GREB1L: variants seen among roughly 807,000 people sequenced by gnomAD.
The protein encoded by GREB1L is GREB1-like protein.
GREB1L carries 17 observed loss-of-function variants against 200.8 expected under a neutral mutation model. The ratio of observed to expected loss-of-function variants is 0.08; its 90% CI spans 0.06 to 0.13. The LOEUF (loss-of-function observed/expected upper bound fraction) is 0.13, where lower values mean the gene tolerates loss of function less well. Among genes scored for constraint, GREB1L ranks in the 10% least tolerant of loss-of-function variants. The pLI is 1.00. For synonymous variants in GREB1L, 789 were observed against 893.0 expected (o/e 0.88, Z 2.08); for missense variants, 1,657 against 2,367.7 (o/e 0.70, Z 6.23).
At chr18:21,468,028 A>C (rs1308425883) in intron 15 of GREB1L, among the ~76,000 whole-genome samples, 1 of 151,898 alleles carries the variant, frequency 6.6e-6, no homozygotes, top group Non-Finnish European at 1.5e-5. Context: ...CCATCTGAAA[A>C]AAAAAAAAAA....
At chr18:21,305,560 T>G (rs1038259971) in intron 1 of GREB1L, among the ~76,000 whole-genome samples, 13 of 152,178 alleles carry the variant, frequency 8.5e-5, no homozygotes, top group Non-Finnish European at 1.9e-4. Flanking sequence ...ATATTCTCAT[T>G]GTAGTTCCAG....
intron 1 of GREB1L, among the ~76,000 whole-genome samples, chr18:21,359,956 T>A (rs963604167): frequency 3.3e-5 from 5 of 152,166 alleles, no homozygotes; most frequent in African/African-American, 1.2e-4. Flanking sequence ...AATAAAGTAA[T>A]TTGGTAGGAG....
At chr18:21,267,285 G>A (rs112699506) in intron 1 of GREB1L, among the ~76,000 whole-genome samples, 3,540 of 149,588 alleles carry the variant, frequency 0.024, 153 homozygotes, top group Admixed American at 0.11. Context: ...GGGTTCAAGC[G>A]ATTCTCCTGC....
intron 1 of GREB1L, among the ~76,000 whole-genome samples, chr18:21,248,214 T>A (rs1312130853): frequency 6.6e-6 from 1 of 151,904 alleles, no homozygotes; most frequent in Non-Finnish European, 1.5e-5. Context: ...GTAATAGAGG[T>A]GATGAGTTCT....
chr18:21,313,162 A>ATT (rs2038818149), intron 1 of GREB1L, among the ~76,000 whole-genome samples: 1 of 151,116 alleles, frequency 6.6e-6, no homozygotes, highest in Non-Finnish European at 1.5e-5. Flanking sequence ...AATATTTTTT[A>ATT]AAATATTAAA....
rs188049946 is a variant in GREB1L at position 21,243,567 on chromosome 18, G to A, written c.-120+1174G>A. 1.1e-4 allele frequency among the ~76,000 whole-genome samples: 16 copies of A among 152,328 alleles called. No homozygotes were observed. In the East Asian group the frequency reaches 3.1e-3, roughly 29 times the overall value. ...CCTAGCCGTTTAAATACAGGGAAGA[G>A]CTTTCCCACAAAAGGTTTTTGAACT... is the stretch of plus-strand genomic sequence containing the variant. On this transcript the variant is annotated intron_variant, in intron 1 of 32. Coordinates refer to ENST00000424526, the MANE Select transcript of GREB1L (RefSeq NM_001142966.3).
chr18:21,267,804 CTTTTT>C (rs769798986), intron 1 of GREB1L, among the ~76,000 whole-genome samples: 1 of 133,874 alleles, frequency 7.5e-6, no homozygotes, highest in African/African-American at 2.7e-5. Context: ...CCACCCCAAG[CTTTTT>C]TTTTTTTTTT....
At chr18:21,502,767 G>A (rs867507044) in intron 23 of GREB1L, among the ~76,000 whole-genome samples, 7 of 152,162 alleles carry the variant, frequency 4.6e-5, no homozygotes, top group Non-Finnish European at 5.9e-5. Context: ...CAAGCAGACC[G>A]GGAGTCGAGG....
At chr18:21,482,372 A>C (rs2035953735) in intron 17 of GREB1L, among the ~76,000 whole-genome samples, 1 of 152,198 alleles carries the variant, frequency 6.6e-6, no homozygotes, top group African/African-American at 2.4e-5. Context: ...ATTCGTCTGC[A>C]TCAGCCTCCT....
At chr18:21,352,709 C>T (rs1454329588) in intron 1 of GREB1L, among the ~76,000 whole-genome samples, 1 of 151,774 alleles carries the variant, frequency 6.6e-6, no homozygotes, top group African/African-American at 2.4e-5. Context: ...GCTGGGATTA[C>T]AGGCATGAGC....
intron 16 of GREB1L, among the ~76,000 whole-genome samples, chr18:21,474,731 T>C (rs2035617866): frequency 6.6e-6 from 1 of 152,146 alleles, no homozygotes; most frequent in African/African-American, 2.4e-5. Flanking sequence ...AAAAATACTT[T>C]TTCCTCCTAG....
At chr18:21,305,270 G>A (rs188576375) in intron 1 of GREB1L, among the ~76,000 whole-genome samples, 197 of 152,152 alleles carry the variant, frequency 1.3e-3, no homozygotes, top group African/African-American at 1.9e-3. Context: ...CACTGTACCC[G>A]GCCCCTATGT....
chr18:21,319,055 C>A (rs1459970342), intron 1 of GREB1L, among the ~76,000 whole-genome samples: 1 of 152,116 alleles, frequency 6.6e-6, no homozygotes, highest in South Asian at 2.1e-4. Flanking sequence ...TCCCTCTTGG[C>A]CAACAGTCAG....
intron 1 of GREB1L, among the ~76,000 whole-genome samples, chr18:21,247,188 ACTCTT>A (rs1334306217): frequency 1.3e-5 from 2 of 151,608 alleles, no homozygotes; most frequent in Admixed American, 6.6e-5. Context: ...TCCCACAGTG[ACTCTT>A]CTCTTCTACC....
At chr18:21,346,377 T>C (rs538808298) in intron 1 of GREB1L, among the ~76,000 whole-genome samples, 2 of 152,036 alleles carry the variant, frequency 1.3e-5, no homozygotes, top group African/African-American at 4.8e-5. Context: ...CGTTCAAAGC[T>C]AAAATGTGAA....
intron 1 of GREB1L, among the ~76,000 whole-genome samples, chr18:21,260,679 A>C (rs1567911704): frequency 5.7e-4 from 80 of 140,332 alleles, no homozygotes; most frequent in African/African-American, 2.1e-3. Context: ...ATCTAATTAA[A>C]AATAGTTGTA....
intron 15 of GREB1L, among the ~76,000 whole-genome samples, chr18:21,461,202 G>C (rs1340884632): frequency 6.6e-6 from 1 of 151,990 alleles, no homozygotes; most frequent in East Asian, 1.9e-4. Flanking sequence ...CAGTGGAGGA[G>C]CTGGCCCTGC....
intron 32 of GREB1L, among the ~76,000 whole-genome samples, chr18:21,522,432 C>A (rs1471564968): frequency 6.6e-6 from 1 of 152,092 alleles, no homozygotes; most frequent in African/African-American, 2.4e-5. Context: ...CGAGATCGCA[C>A]CACTGCACTC....
At chr18:21,389,817 AGGTGAAT>A (rs2040719282) in intron 4 of GREB1L, among the ~76,000 whole-genome samples, 1 of 152,210 alleles carries the variant, frequency 6.6e-6, no homozygotes, top group Admixed American at 6.5e-5. Flanking sequence ...AGTATGAAAT[AGGTGAAT>A]GCCGACACAG....
Sources: gnomAD v4.1 joint callset for allele counts (sites outside exome capture counted in the v4.1 genomes callset) on GRCh38, gnomAD v4.1.1 for gene constraint, MANE v1.5 for transcripts, NCBI Gene and HGNC (gene_info 2026-07-23, HGNC 2026-07-21) for gene names.